TENM3: variants seen among roughly 807,000 people sequenced by gnomAD.
TENM3 encodes teneurin transmembrane protein 3.
Under a neutral mutation model 255.1 loss-of-function variants are expected in TENM3, and 63 were observed. The observed-to-expected ratio is 0.25, with a 90% CI of 0.20 to 0.30. The LOEUF is 0.30. Ranked by LOEUF, TENM3 falls within the 10% of genes least tolerant of loss-of-function variation. The probability of loss-of-function intolerance (pLI) is 1.00; values close to 1 mark genes in which losing one functional copy is unlikely to be tolerated. For missense variants in TENM3, 2,929 were observed against 3,461.1 expected, an observed-to-expected ratio of 0.85 and a Z score of 3.86; for synonymous variants, 1,306 against 1,322.3, an observed-to-expected ratio of 0.99 and a Z score of 0.27.
chr4:182,794,603 A>C (rs1766355949), intron 26 of TENM3, among the ~76,000 whole-genome samples: 1 of 152,224 alleles, frequency 6.6e-6, no homozygotes, highest in African/African-American at 2.4e-5. Flanking sequence ...CAGTTCTTGC[A>C]TGGTGACAAT....
intron 24 of TENM3, among the ~76,000 whole-genome samples, chr4:182,785,449 T>C (rs1370425454): frequency 1.3e-5 from 2 of 151,886 alleles, no homozygotes; most frequent in East Asian, 3.9e-4. Context: ...GGTTTACACC[T>C]GTAGTCCCAG....
the TENM3 span, among the ~76,000 whole-genome samples, chr4:181,668,943 T>G: frequency 6.6e-6 from 1 of 152,160 alleles, no homozygotes; most frequent in South Asian, 2.1e-4. Flanking sequence ...TTCTCCTTGA[T>G]AGCAAGGTCC....
chr4:182,790,909 A>T (rs1002818129), intron 25 of TENM3, among the ~76,000 whole-genome samples: 4 of 152,158 alleles, frequency 2.6e-5, no homozygotes, highest in African/African-American at 2.4e-5. Flanking sequence ...AGTGACCAGG[A>T]TCACCTGCAT....
chr4:181,554,637 G>T, the TENM3 span, among the ~76,000 whole-genome samples: 3 of 152,198 alleles, frequency 2.0e-5, no homozygotes, highest in South Asian at 4.1e-4. Flanking sequence ...CCTCATGGAT[G>T]TTATTAAATT....
chr4:182,501,407 C>G (rs17256745), intron 3 of TENM3, among the ~76,000 whole-genome samples: 49,855 of 149,164 alleles, frequency 0.33, 8,986 homozygotes, highest in Non-Finnish European at 0.4. Context: ...CTTATTACTA[C>G]ATGACATCTT....
chr4:181,657,741 A>G, the TENM3 span, among the ~76,000 whole-genome samples: 2 of 152,342 alleles, frequency 1.3e-5, no homozygotes, highest in East Asian at 3.9e-4. Context: ...ATGCCCATCA[A>G]TGGTGAATTG....
the TENM3 span, among the ~76,000 whole-genome samples, chr4:181,717,374 T>A: frequency 6.6e-6 from 1 of 152,318 alleles, no homozygotes; most frequent in African/African-American, 2.4e-5. Context: ...ATATTTTAAG[T>A]TTTTCTTTTA....
intron 1 of TENM3, among the ~76,000 whole-genome samples, chr4:182,199,013 A>G (rs1291628068): frequency 6.6e-6 from 1 of 152,176 alleles, no homozygotes; most frequent in African/African-American, 2.4e-5. Context: ...ATGAAAGTGT[A>G]TGTTAGTAAA....
At chr4:182,722,689 A>C (rs1759835533) in intron 13 of TENM3, among the ~76,000 whole-genome samples, 1 of 152,196 alleles carries the variant, frequency 6.6e-6, no homozygotes, top group South Asian at 2.1e-4. Flanking sequence ...AGAGAAGTGA[A>C]ATAATCAGAT....
the TENM3 span, among the ~76,000 whole-genome samples, chr4:181,832,504 A>G: frequency 1.3e-5 from 2 of 152,172 alleles, no homozygotes; most frequent in South Asian, 4.1e-4. Context: ...TTTTTCTGCA[A>G]TCCTCTTAGC....
At chr4:181,809,748 C>A in the TENM3 span, among the ~76,000 whole-genome samples, 2 of 152,074 alleles carry the variant, frequency 1.3e-5, no homozygotes, top group Admixed American at 6.6e-5. Flanking sequence ...ATTATCTGGG[C>A]GGCCCACTGT....
At chr4:181,702,839 A>G in the TENM3 span, among the ~76,000 whole-genome samples, 1 of 152,256 alleles carries the variant, frequency 6.6e-6, no homozygotes, top group African/African-American at 2.4e-5. Context: ...ATCATATTTA[A>G]TTTTTAAACA....
In TENM3 at chr4:182,802,215, G is replaced by A. The variant is rs554915599; in HGVS notation, c.*1864G>A. On this transcript the variant is annotated 3_prime_UTR_variant, in exon 28 of 28. Transcript: ENST00000511685. ...CTTTGTGTATTTGGTAGAGCATACC[G>A]AAGTAATTAATCTTCTAATGAATGC... The A allele has an allele frequency of 3.2e-4, 49 of 152,712 alleles. 1 individual carries two copies. Among genetic ancestry groups the A allele is most frequent in the African/African-American group, 1.1e-3 (45 of 41,556 alleles). 9.5% of individuals were successfully genotyped at this position (152,712 alleles called of 1,614,324 possible).
the TENM3 span, among the ~76,000 whole-genome samples, chr4:181,692,363 G>T: frequency 1.5e-4 from 23 of 152,066 alleles, no homozygotes; most frequent in Non-Finnish European, 2.4e-4. Context: ...GATGTCAGAG[G>T]CTCACAATCA....
the TENM3 span, among the ~76,000 whole-genome samples, chr4:181,541,152 C>T: frequency 6.6e-6 from 1 of 152,046 alleles, no homozygotes; most frequent in South Asian, 2.1e-4. Context: ...GGCTGGAGGA[C>T]TGCTTGAGCT....
intron 3 of TENM3, among the ~76,000 whole-genome samples, chr4:182,372,483 A>G (rs779946358): frequency 1.8e-4 from 27 of 152,150 alleles, no homozygotes; most frequent in Non-Finnish European, 3.4e-4. Context: ...TATTTCTTCC[A>G]TAGTTCTTCT....
chr4:182,540,849 G>A (rs1198065910), intron 3 of TENM3, among the ~76,000 whole-genome samples: 2 of 152,130 alleles, frequency 1.3e-5, no homozygotes, highest in East Asian at 1.9e-4. Context: ...CCTAACGAAG[G>A]AACTAACCTA....
At chr4:182,066,635 G>C in the TENM3 span, among the ~76,000 whole-genome samples, 13 of 150,488 alleles carry the variant, frequency 8.6e-5, no homozygotes, top group African/African-American at 3.2e-4. Context: ...CTTGGGCCAG[G>C]CGCGGTGGCT....
chr4:181,948,556 C>T, the TENM3 span, among the ~76,000 whole-genome samples: 1 of 152,060 alleles, frequency 6.6e-6, no homozygotes, highest in African/African-American at 2.4e-5. Flanking sequence ...GCTGGGATTA[C>T]AGGTGCACGC....
Sources: allele counts gnomAD v4.1 joint callset (sites outside exome capture counted in the v4.1 genomes callset), GRCh38; gene constraint gnomAD v4.1.1; transcripts MANE v1.5; gene names NCBI Gene and HGNC (gene_info 2026-07-23, HGNC 2026-07-21).